NLRC3: variants seen among roughly 807,000 people sequenced by gnomAD.
NLRC3 encodes the protein NLR family CARD domain-containing protein 3.
NLRC3 carries 87 observed loss-of-function variants against 91.6 expected under a neutral mutation model. That is an observed-to-expected ratio of 0.95 (90% confidence interval 0.80 to 1.14). NLRC3 has a LOEUF of 1.14. NLRC3 is among the 50% of genes most tolerant of loss of function. The pLI, the probability that NLRC3 is intolerant of heterozygous loss-of-function variation, is 0.00. For missense variants in NLRC3, 1,577 were observed against 1,418.6 expected, an observed-to-expected ratio of 1.11 and a Z score of -1.79; for synonymous variants, 694 against 625.3, an observed-to-expected ratio of 1.11 and a Z score of -1.64.
chr16:3,560,663 A>T (rs1318503652), intron 6 of NLRC3, among the ~76,000 whole-genome samples: 2 of 152,098 alleles, frequency 1.3e-5, no homozygotes, highest in Non-Finnish European at 2.9e-5. Context: ...TTCTTTTTTG[A>T]GACGGAGTCT....
intron 1 of NLRC3, among the ~76,000 whole-genome samples, chr16:3,572,977 A>C (rs1179124200): frequency 1.4e-5 from 2 of 143,954 alleles, no homozygotes; most frequent in Non-Finnish European, 3.0e-5. Context: ...GTGCCACTGC[A>C]CTCTAGCCTG....
chr16:3,554,659 C>G (rs892684946), intron 8 of NLRC3, among the ~76,000 whole-genome samples: 1 of 152,184 alleles, frequency 6.6e-6, no homozygotes, highest in South Asian at 2.1e-4. Flanking sequence ...AACCCTCACG[C>G]TGCTGGTGGG....
intron 8 of NLRC3, chr16:3,555,852 G>C (rs55930984): frequency 0.049 from 7,473 of 151,064 alleles, 240 homozygotes; most frequent in Admixed American, 0.069. Context: ...AAAGTGCTGG[G>C]ATTACAGGCA....
chr16:3,573,487 A>G (rs2040173525), intron 1 of NLRC3, among the ~76,000 whole-genome samples: 1 of 152,204 alleles, frequency 6.6e-6, no homozygotes, highest in African/African-American at 2.4e-5. Context: ...GCCCAAATGA[A>G]GCAGTGCTAC....
chr16:3,571,964 T>C (rs1333158163), intron 1 of NLRC3, among the ~76,000 whole-genome samples: 1 of 151,374 alleles, frequency 6.6e-6, no homozygotes, highest in Admixed American at 6.6e-5. Flanking sequence ...ATAATTAAAA[T>C]ATTTATAAGT....
At chr16:3,549,815 C>G in intron 11 of NLRC3, 35 bp from the exon 12 acceptor site, 1 of 1,483,354 alleles carries the variant, frequency 6.7e-7, no homozygotes, top group Non-Finnish European at 9.2e-7. Context: ...GTGTGGCTGT[C>G]CCAGGACCCA....
chr16:3,543,032 G>A (rs1596422279), intron 17 of NLRC3: 3 of 529,454 alleles, frequency 5.7e-6, no homozygotes, highest in African/African-American at 1.9e-5. Flanking sequence ...CAGAAAAGCG[G>A]GGCTGAGACA....
Position 3,542,189 on chromosome 16 carries a change from A to C in NLRC3, c.3107+2T>G. On this transcript the variant is annotated splice_donor_variant, in intron 19 of 19. Transcript: ENST00000359128. LOFTEE classifies it high-confidence loss of function. ...GTGAGCAGGAAGGGCAGGTGCACTCACTTGATATGCTGGAGCCTGTGGTTT... is the reference window on the plus strand; with the variant it reads ...GTGAGCAGGAAGGGCAGGTGCACTCCCTTGATATGCTGGAGCCTGTGGTTT... 6.4e-7 allele frequency: 1 copy of C among 1,571,502 alleles called. No homozygotes were observed. The highest frequency in any genetic ancestry group is 1.8e-5 in the Admixed American group (1 of 55,158).
In NLRC3 at chr16:3,542,671, TAG is replaced by T; in HGVS notation, c.3023+19_3023+20del. Reference sequence around the variant, plus strand: ...GAACTCTGCTGCTCCAGGATGCAGGTAGGTCCCTCCAGCCACTTACTTGAGTC... The same window carrying T: ...GAACTCTGCTGCTCCAGGATGCAGGTGTCCCTCCAGCCACTTACTTGAGTC... On this transcript the variant is annotated intron_variant, in intron 18 of 19. Transcript: ENST00000359128. 1 of 1,514,460 alleles carries T rather than the reference TAG, an allele frequency of 6.6e-7. No individual in the cohort carries two copies. Among genetic ancestry groups the T allele is most frequent in the Non-Finnish European group, 9.1e-7 (1 of 1,093,954 alleles). 93.8% of individuals were successfully genotyped at this position (1,514,460 alleles called of 1,614,324 possible).
intron 5 of NLRC3, among the ~76,000 whole-genome samples, chr16:3,562,076 T>C (rs891320562): frequency 6.6e-6 from 1 of 152,168 alleles, no homozygotes; most frequent in African/African-American, 2.4e-5. Context: ...TCAGCCTGTG[T>C]CCTTTCCTCC....
At chr16:3,556,473 A>G (rs2039339843) in intron 8 of NLRC3, among the ~76,000 whole-genome samples, 2 of 151,924 alleles carry the variant, frequency 1.3e-5, no homozygotes, top group African/African-American at 2.4e-5. Flanking sequence ...CCAGTACCCA[A>G]TGGGATGGGA....
At position 3,560,629 on chromosome 16, in the gene NLRC3, A is replaced by G. The variant is rs370822456; in HGVS notation, c.2015+1073T>C. Among the ~76,000 whole-genome samples the G allele has an allele frequency of 1.4e-3, 211 of 152,216 alleles. 6 individuals are homozygous for G. The South Asian group carries it at 0.042, about 30-fold the overall frequency. ...ATGTGAACTTTTGTCTAATTACAAGATGAAGGTTTTTTTGTTTGTTTTGTT... is the reference window on the plus strand; with the variant it reads ...ATGTGAACTTTTGTCTAATTACAAGGTGAAGGTTTTTTTGTTTGTTTTGTT... On this transcript the variant is annotated intron_variant, in intron 6 of 19. Coordinates refer to ENST00000359128, the MANE Select transcript of NLRC3 (RefSeq NM_178844.4).
At position 3,564,889 on chromosome 16, in the gene NLRC3, G is replaced by T. The variant is rs1321903115; in HGVS notation, c.148C>A (p.Pro50Thr). The change falls in exon 4 of 20, where the codon CCG (proline) becomes ACG (threonine). Residue 50 changes from proline to threonine, a missense_variant. Coordinates refer to ENST00000359128, the MANE Select transcript of NLRC3 (RefSeq NM_178844.4). This position sits in a 1 kb window ranked among gnomAD's most constrained non-coding sequence, Gnocchi z 5.9. ...SQAPQALDRTPDAPLGPCSND... is the reference protein window; with the variant it reads ...SQAPQALDRTTDAPLGPCSND... ...CTGCAGGGCCCCAGCGGGGCATCCG[G>T]TGTCCTATCCAGGGCCTGCGGGGCC... The T allele has an allele frequency of 3.7e-6, 6 of 1,609,224 alleles. No individual in the cohort carries two copies. The South Asian group carries it at 4.4e-5, about 12-fold the overall frequency.
intron 1 of NLRC3, among the ~76,000 whole-genome samples, chr16:3,570,086 T>C (rs1299986644): frequency 6.6e-6 from 1 of 152,128 alleles, no homozygotes; most frequent in East Asian, 1.9e-4. Context: ...AGCTGGGAAG[T>C]GGGAGTTGGG....
chr16:3,562,260 G>A (rs897310613), intron 5 of NLRC3, among the ~76,000 whole-genome samples: 6 of 152,286 alleles, frequency 3.9e-5, no homozygotes, highest in African/African-American at 4.8e-5. Context: ...ATTGAGAAAT[G>A]GGGTCACTGT....
chr16:3,562,801 G>T lies in NLRC3; in HGVS notation c.1928+208C>A, dbSNP rs530096725. The T allele has an allele frequency of 5.9e-6, 4 of 673,930 alleles. No homozygotes were observed. The African/African-American group carries it at 7.1e-5, about 12-fold the overall frequency. 41.7% of individuals were successfully genotyped at this position (673,930 alleles called of 1,614,324 possible). A position where few individuals can be genotyped will look rare whatever the true frequency, so the allele number is the denominator to read the frequency against. On this transcript the variant is annotated intron_variant, in intron 5 of 19. Transcript: ENST00000359128. ...ACCTCTCCTATATGTTTCAGAGAGC[G>T]CATGGCCCTCCTGGCACCTTGATTT... is the stretch of plus-strand genomic sequence containing the variant.
At chr16:3,542,109 G>C (rs774968650) in intron 19 of NLRC3, 82 bp downstream of exon 19, 44 of 1,038,356 alleles carry the variant, frequency 4.2e-5, no homozygotes, top group Non-Finnish European at 6.0e-5. Context: ...CTGGGGGTCA[G>C]CTGGCTCTCA....
chr16:3,567,045 G>T (rs1022644268), intron 2 of NLRC3, among the ~76,000 whole-genome samples, 198 bp downstream of exon 2: 2 of 152,164 alleles, frequency 1.3e-5, no homozygotes, highest in African/African-American at 4.8e-5. Flanking sequence ...GAGCTCCTGG[G>T]CTCCCAGCAG....
chr16:3,563,535 A>C lies in NLRC3; in HGVS notation c.1402T>G (p.Tyr468Asp), dbSNP rs2039717064. ...LQEFVAAAYY[Y>D]GASRRAIFDL... ...AAGATGGCCCTCCTGGATGCGCCATAGTAATACGCGGCTGCCACAAACTCC... is the reference window on the plus strand; with the variant it reads ...AAGATGGCCCTCCTGGATGCGCCATCGTAATACGCGGCTGCCACAAACTCC... The change falls in exon 5 of 20, where the codon TAT becomes GAT. Residue 468 changes from tyrosine (Y) to aspartate (D), a missense_variant. Physicochemically the swap from Tyr to Asp is radical, Grantham distance 160. Transcript: ENST00000359128. 8 of 1,608,914 alleles carry C rather than the reference A, an allele frequency of 5.0e-6. No individual in the cohort carries two copies. The highest frequency in any genetic ancestry group is 5.9e-6 in the Non-Finnish European group (7 of 1,177,988).
Sources: allele counts gnomAD v4.1 joint callset (sites outside exome capture counted in the v4.1 genomes callset), GRCh38; gene constraint gnomAD v4.1.1; non-coding constraint Gnocchi (gnomAD v3.1); transcripts MANE v1.5; gene names NCBI Gene and HGNC (gene_info 2026-07-23, HGNC 2026-07-21).